RANBP2: variants seen among roughly 807,000 people sequenced by gnomAD.
The protein encoded by RANBP2 is E3 SUMO-protein ligase RanBP2.
Under a neutral mutation model 303.6 loss-of-function variants are expected in RANBP2, and 57 were observed. That is an observed-to-expected ratio of 0.19 (90% CI 0.15 to 0.23). The LOEUF is 0.23. RANBP2 is among the 10% of genes least tolerant of loss of function. The probability of loss-of-function intolerance (pLI) is 1.00; values close to 1 mark genes in which losing one functional copy is unlikely to be tolerated. For missense variants in RANBP2, 3,138 were observed against 3,780.8 expected (o/e 0.83, Z 4.46); for synonymous variants, 1,167 against 1,301.5 (o/e 0.90, Z 2.23).
At chr2:109,355,652 C>T in the RANBP2 span, among the ~76,000 whole-genome samples, 7 of 152,188 alleles carry the variant, frequency 4.6e-5, no homozygotes, top group African/African-American at 1.7e-4. Context: ...TCCTCTTCGG[C>T]CATTGGGAGC....
chr2:108,750,613 A>G (rs1269667620), intron 9 of RANBP2, among the ~76,000 whole-genome samples: 3 of 103,874 alleles, frequency 2.9e-5, no homozygotes, highest in Non-Finnish European at 7.2e-5. Flanking sequence ...TTTGAGACAG[A>G]GTCTCGCTCT....
the RANBP2 span, among the ~76,000 whole-genome samples, chr2:109,570,377 C>T: frequency 6.6e-6 from 1 of 152,158 alleles, no homozygotes; most frequent in African/African-American, 2.4e-5. Context: ...CCCCCCTCAT[C>T]ATCTGTGGGT....
intron 23 of RANBP2, among the ~76,000 whole-genome samples, chr2:108,774,041 C>G (rs1359533157): frequency 6.6e-6 from 1 of 152,206 alleles, no homozygotes. Flanking sequence ...TACATTGACA[C>G]ATCATCACCT....
chr2:108,930,691 A>G, the RANBP2 span, among the ~76,000 whole-genome samples: 1 of 152,074 alleles, frequency 6.6e-6, no homozygotes, highest in Non-Finnish European at 1.5e-5. Context: ...CATCACATAG[A>G]CACAGGGCTG....
chr2:109,423,813 C>T, the RANBP2 span, among the ~76,000 whole-genome samples: 1 of 152,192 alleles, frequency 6.6e-6, no homozygotes, highest in East Asian at 1.9e-4. Flanking sequence ...GAGAGTGAGC[C>T]TGAGAACCAG....
At chr2:109,186,518 G>C in the RANBP2 span, among the ~76,000 whole-genome samples, 4 of 152,340 alleles carry the variant, frequency 2.6e-5, no homozygotes, top group East Asian at 5.8e-4. Flanking sequence ...CAGTTACCCA[G>C]ACCTTGATTT....
At chr2:108,863,883 G>A in the RANBP2 span, among the ~76,000 whole-genome samples, 5 of 152,146 alleles carry the variant, frequency 3.3e-5, no homozygotes, top group African/African-American at 9.7e-5. Context: ...ATTAATGAGC[G>A]CTTTTAGCCA....
At chr2:109,711,251 C>T in the RANBP2 span, among the ~76,000 whole-genome samples, 1 of 152,020 alleles carries the variant, frequency 6.6e-6, no homozygotes, top group Non-Finnish European at 1.5e-5. Context: ...GCATTCTCTG[C>T]CCTTCTTGAG....
the RANBP2 span, chr2:108,906,450 A>T: frequency 6.9e-7 from 1 of 1,456,952 alleles, no homozygotes; most frequent in Non-Finnish European, 9.6e-7. Flanking sequence ...CAGCAGGGGC[A>T]GGCAGCAGCT....
the RANBP2 span, among the ~76,000 whole-genome samples, chr2:109,173,302 G>T: frequency 6.6e-6 from 1 of 152,128 alleles, no homozygotes; most frequent in African/African-American, 2.4e-5. Flanking sequence ...GCCTGCACTT[G>T]CGTTTTCTCC....
the RANBP2 span, among the ~76,000 whole-genome samples, chr2:109,419,364 C>T: frequency 1.3e-5 from 2 of 152,328 alleles, no homozygotes; most frequent in African/African-American, 2.4e-5. Flanking sequence ...GCAGGGGTCC[C>T]GGGCTGCCAG....
the RANBP2 span, among the ~76,000 whole-genome samples, chr2:108,831,828 G>C: frequency 1.3e-5 from 2 of 152,004 alleles, no homozygotes; most frequent in African/African-American, 4.8e-5. Context: ...TGCCTCCTGG[G>C]TTCAAGCGAT....
chr2:109,544,415 C>G, the RANBP2 span: 29 of 1,477,650 alleles, frequency 2.0e-5, no homozygotes, highest in Non-Finnish European at 2.4e-5. Flanking sequence ...TATAGGATAT[C>G]TGGCCATGGG....
chr2:109,563,149 G>C, the RANBP2 span, among the ~76,000 whole-genome samples: 1 of 152,038 alleles, frequency 6.6e-6, no homozygotes, highest in Admixed American at 6.6e-5. Flanking sequence ...AACCTCAAGT[G>C]GTCTGCCCGC....
chr2:108,978,493 G>A, the RANBP2 span, among the ~76,000 whole-genome samples: 1 of 152,230 alleles, frequency 6.6e-6, no homozygotes, highest in Admixed American at 6.5e-5. Context: ...TTTCTAGAGG[G>A]TAGAGCTCCG....
chr2:108,994,148 C>CTTATTAAA, the RANBP2 span, among the ~76,000 whole-genome samples: 1 of 152,078 alleles, frequency 6.6e-6, no homozygotes, highest in African/African-American at 2.4e-5. Context: ...GGATTCCCCC[C>CTTATTAAA]ATGGACACCT....
chr2:109,626,778 G>A, the RANBP2 span, among the ~76,000 whole-genome samples: 1 of 152,228 alleles, frequency 6.6e-6, no homozygotes, highest in African/African-American at 2.4e-5. Flanking sequence ...CCTTGCAGAT[G>A]AGGAAGGTAA....
At chr2:108,756,276 C>G (rs1480000368) in intron 17 of RANBP2, among the ~76,000 whole-genome samples, 3 of 152,068 alleles carry the variant, frequency 2.0e-5, no homozygotes. Flanking sequence ...TTCAAAAAGT[C>G]TTACTATATT....
chr2:108,909,745 G>A, the RANBP2 span, among the ~76,000 whole-genome samples: 9 of 152,216 alleles, frequency 5.9e-5, no homozygotes, highest in African/African-American at 1.7e-4. Flanking sequence ...CTCTACCCTC[G>A]ATTTTAGAGC....
Sources: allele counts gnomAD v4.1 joint callset (sites outside exome capture counted in the v4.1 genomes callset), GRCh38; gene constraint gnomAD v4.1.1; transcripts MANE v1.5; gene names NCBI Gene and HGNC (gene_info 2026-07-23, HGNC 2026-07-21).